Variants in KIF16B observed in about 807,000 individuals in gnomAD.
KIF16B encodes kinesin family member 16B, also known as kinesin-like protein KIF16B.
Under a neutral mutation model 156.3 loss-of-function variants are expected in KIF16B, and 98 were observed. The observed-to-expected ratio is 0.63, with a 90% CI of 0.53 to 0.74. KIF16B has a LOEUF of 0.74. Ranked by LOEUF, KIF16B falls within the 30% of genes least tolerant of loss-of-function variation. KIF16B has a pLI of 0.00. For missense variants in KIF16B, 1,421 were observed against 1,606.5 expected, an observed-to-expected ratio of 0.88 and a Z score of 1.97; for synonymous variants, 564 against 583.7, an observed-to-expected ratio of 0.97 and a Z score of 0.49.
intron 12 of KIF16B, among the ~76,000 whole-genome samples, chr20:16,444,285 C>T (rs543231429): frequency 1.3e-5 from 2 of 152,266 alleles, no homozygotes; most frequent in East Asian, 1.9e-4. Context: ...TAGAAGTCAG[C>T]CAACTATGGC....
chr20:16,398,597 C>A (rs1249372407), intron 17 of KIF16B, among the ~76,000 whole-genome samples: 1 of 152,072 alleles, frequency 6.6e-6, no homozygotes, highest in African/African-American at 2.4e-5. Flanking sequence ...ACCACATTGT[C>A]CATTTAAGGA....
At chr20:16,554,863 G>A (rs1366364237) in intron 1 of KIF16B, among the ~76,000 whole-genome samples, 2 of 152,254 alleles carry the variant, frequency 1.3e-5, no homozygotes, top group African/African-American at 4.8e-5. Flanking sequence ...CAGCCTTGCA[G>A]GGAGCTGGCG....
intron 3 of KIF16B, 33 bp from the exon 4 acceptor site, chr20:16,515,697 A>G: frequency 2.5e-6 from 3 of 1,177,868 alleles, no homozygotes; most frequent in Non-Finnish European, 3.8e-6. Context: ...AAAAGATACA[A>G]TTATCATAGA....
At chr20:16,426,863 C>T (rs6111109) in intron 15 of KIF16B, among the ~76,000 whole-genome samples, 16,100 of 151,916 alleles carry the variant, frequency 0.11, 1,181 homozygotes, top group East Asian at 0.42. Context: ...ATCTCATCTC[C>T]ATAACAACAA....
At chr20:16,505,937 A>C (rs1003027770) in intron 8 of KIF16B, 84 bp from the exon 9 acceptor site, 6 of 1,604,124 alleles carry the variant, frequency 3.7e-6, no homozygotes, top group African/African-American at 1.3e-5. Flanking sequence ...AACCTTGAAG[A>C]AATTACCTCA....
chr20:16,566,197 A>T (rs1372322623), intron 1 of KIF16B, among the ~76,000 whole-genome samples: 2 of 152,200 alleles, frequency 1.3e-5, no homozygotes, highest in African/African-American at 4.8e-5. Context: ...GCCTTTTCCA[A>T]TTATAACCAT....
intron 12 of KIF16B, among the ~76,000 whole-genome samples, chr20:16,470,039 T>C (rs762287143): frequency 2.0e-5 from 3 of 151,958 alleles, no homozygotes; most frequent in Non-Finnish European, 1.5e-5. Context: ...TGAAAAGATA[T>C]GGAGGAATAT....
At chr20:16,483,666 C>T (rs1215921996) in intron 12 of KIF16B, among the ~76,000 whole-genome samples, 1 of 152,132 alleles carries the variant, frequency 6.6e-6, no homozygotes, top group Non-Finnish European at 1.5e-5. Context: ...TTGTTGGCAT[C>T]TTGCAGTGAG....
At chr20:16,311,077 C>T (rs527657995) in intron 25 of KIF16B, among the ~76,000 whole-genome samples, 1 of 152,340 alleles carries the variant, frequency 6.6e-6, no homozygotes, top group East Asian at 1.9e-4. Flanking sequence ...AACTGGCTGT[C>T]ACCAGCAATG....
chr20:16,277,109 G>A (rs1295903892), intron 25 of KIF16B, among the ~76,000 whole-genome samples: 4 of 152,152 alleles, frequency 2.6e-5, no homozygotes, highest in African/African-American at 9.7e-5. Context: ...CATATGAGCG[G>A]AATCATTTGG....
rs955690938 is a variant in KIF16B, at chr20:16,337,753, G to C, written c.3622-1738C>G. ...AGGCCAGCACAATCAGTGAGGATGT[G>C]GGGGCTTCCTCCGGCCCACAGCCCA... On this transcript the variant is annotated intron_variant, in intron 23 of 25. Coordinates refer to ENST00000354981, the MANE Select transcript of KIF16B (RefSeq NM_024704.5). 2.0e-5 allele frequency among the ~76,000 whole-genome samples: 3 copies of C among 152,120 alleles called. 1 individual carries two copies. In the South Asian group the frequency reaches 6.2e-4, roughly 32 times the overall value.
intron 17 of KIF16B, among the ~76,000 whole-genome samples, chr20:16,388,229 AT>A (rs1180092720): frequency 1.3e-5 from 2 of 152,228 alleles, no homozygotes; most frequent in Non-Finnish European, 2.9e-5. Flanking sequence ...ATTTTTAGAT[AT>A]GCAGTGATAT....
intron 12 of KIF16B, among the ~76,000 whole-genome samples, chr20:16,455,274 A>G (rs6043958): frequency 0.71 from 108,364 of 151,808 alleles, 39,717 homozygotes; most frequent in East Asian, 0.93. Context: ...TTAAACTTCT[A>G]GGCTCAAGTG....
At chr20:16,420,740 C>A (rs1165822641) in intron 15 of KIF16B, among the ~76,000 whole-genome samples, 2 of 151,940 alleles carry the variant, frequency 1.3e-5, no homozygotes, top group Non-Finnish European at 2.9e-5. Context: ...AATCAATGGG[C>A]CAAATACAGT....
intron 23 of KIF16B, among the ~76,000 whole-genome samples, chr20:16,343,568 A>T (rs2064178875): frequency 6.6e-6 from 1 of 152,248 alleles, no homozygotes; most frequent in African/African-American, 2.4e-5. Context: ...GTCTAATAGC[A>T]ACCTAATATA....
chr20:16,519,908 A>C (rs1372339451), intron 3 of KIF16B, among the ~76,000 whole-genome samples: 1 of 152,228 alleles, frequency 6.6e-6, no homozygotes, highest in Admixed American at 6.5e-5. Flanking sequence ...CACCCCGGGA[A>C]GTGCAAGGGG....
intron 25 of KIF16B, among the ~76,000 whole-genome samples, chr20:16,289,550 T>C (rs1432439763): frequency 6.6e-6 from 1 of 152,182 alleles, no homozygotes; most frequent in Non-Finnish European, 1.5e-5. Context: ...TGGCAGACCC[T>C]TTATTTAAAG....
intron 3 of KIF16B, among the ~76,000 whole-genome samples, chr20:16,521,298 G>A (rs1315194164): frequency 6.6e-6 from 1 of 151,974 alleles, no homozygotes; most frequent in Non-Finnish European, 1.5e-5. Flanking sequence ...TTGCTAACTA[G>A]AATAACCAGT....
chr20:16,335,848 T>C, intron 24 of KIF16B, 78 bp downstream of exon 24: 2 of 862,722 alleles, frequency 2.3e-6, no homozygotes, highest in Non-Finnish European at 3.8e-6. Context: ...GAGAGAGAGA[T>C]AACATTGCTA....
Sources: allele counts gnomAD v4.1 joint callset (sites outside exome capture counted in the v4.1 genomes callset), GRCh38; gene constraint gnomAD v4.1.1; transcripts MANE v1.5; gene names NCBI Gene and HGNC (gene_info 2026-07-23, HGNC 2026-07-21).